The following SEPTIN9 variants were observed in gnomAD, a reference collection of about 807,000 sequenced individuals.
SEPTIN9 encodes septin 9, also known as septin-9.
Under a neutral mutation model 56.6 loss-of-function variants are expected in SEPTIN9, and 13 were observed. The observed-to-expected ratio is 0.23, with a 90% CI of 0.15 to 0.37. The LOEUF (loss-of-function observed/expected upper bound fraction) is 0.37, where lower values mean the gene tolerates loss of function less well. Ranked by LOEUF, SEPTIN9 falls within the 10% of genes least tolerant of loss-of-function variation. SEPTIN9 has a pLI of 1.00. For synonymous variants in SEPTIN9, 332 were observed against 334.1 expected, an observed-to-expected ratio of 0.99 and a Z score of 0.07; for missense variants, 650 against 823.1, an observed-to-expected ratio of 0.79 and a Z score of 2.57.
intron 2 of SEPTIN9, among the ~76,000 whole-genome samples, chr17:77,384,340 TG>T (rs11366286): frequency 0.016 from 2,382 of 152,246 alleles, 61 homozygotes; most frequent in African/African-American, 0.055. Context: ...CGGCGACTTC[TG>T]CATGTCCTTC....
chr17:77,481,866 T>G (rs984588274), intron 3 of SEPTIN9: 2 of 512,772 alleles, frequency 3.9e-6, no homozygotes, highest in Non-Finnish European at 7.0e-6. Flanking sequence ...TTGGCACAGC[T>G]CCTAGAAGAG....
Position 77,445,719 on chromosome 17 carries a change from T to C in SEPTIN9, c.722-36425T>C. On this transcript the variant is annotated intron_variant, in intron 3 of 11. Transcript: ENST00000427177. This position sits in a 1 kb window ranked among gnomAD's most constrained non-coding sequence, Gnocchi z 4.7. Reference sequence around the variant, plus strand: ...CTGAGTTGGAGGTGGGAGTCCCAACTGTCCCCTGTGGCTTCCAGAGTGGGA... The same window carrying C: ...CTGAGTTGGAGGTGGGAGTCCCAACCGTCCCCTGTGGCTTCCAGAGTGGGA... The C allele has an allele frequency of 3.2e-6, 1 of 315,424 alleles. No homozygotes were observed. The highest frequency in any genetic ancestry group is 2.7e-5 in the South Asian group (1 of 36,534). The allele number at this position is 315,424 out of a possible 1,614,324, so 19.5% of individuals were successfully genotyped here.
chr17:77,381,723 G>A (rs575323248), intron 2 of SEPTIN9, among the ~76,000 whole-genome samples: 26 of 152,332 alleles, frequency 1.7e-4, no homozygotes, highest in Non-Finnish European at 3.1e-4. Context: ...CAGACTGCAC[G>A]GTGAGAGGTG....
intron 3 of SEPTIN9, among the ~76,000 whole-genome samples, chr17:77,441,502 A>G (rs2037545830): frequency 6.6e-6 from 1 of 152,246 alleles, no homozygotes; most frequent in African/African-American, 2.4e-5. Flanking sequence ...ATCTTCCCCA[A>G]AACCCCATAA....
At chr17:77,349,851 T>C (rs71384169) in intron 2 of SEPTIN9, among the ~76,000 whole-genome samples, 12 of 152,362 alleles carry the variant, frequency 7.9e-5, no homozygotes, top group African/African-American at 2.6e-4. Flanking sequence ...GCCTTGATCT[T>C]CCAGACTTGC....
In SEPTIN9 at chr17:77,498,660, C is replaced by T. The variant is rs371665779; in HGVS notation, c.*2C>T. 580 of 1,602,182 alleles carry T rather than the reference C, an allele frequency of 3.6e-4. 6 individuals carry two copies. The highest frequency in any genetic ancestry group is 3.9e-4 in the Admixed American group (23 of 59,422). The stretch of plus-strand genomic sequence containing the variant: ...GAGCCAGAAGCCCCGGAGATGTAGA[C>T]GCCACCCTGCCCACCCCCGGGATCC... On this transcript the variant is annotated 3_prime_UTR_variant, in exon 12 of 12. Transcript: ENST00000427177.
At chr17:77,285,466 C>T (rs1334524643) in intron 1 of SEPTIN9, among the ~76,000 whole-genome samples, 5 of 152,268 alleles carry the variant, frequency 3.3e-5, no homozygotes, top group East Asian at 3.9e-4. Context: ...GGCACGATCT[C>T]GGTTCACTGC....
chr17:77,466,378 T>C (rs2038729664), intron 3 of SEPTIN9: 2 of 984,850 alleles, frequency 2.0e-6, no homozygotes, highest in Non-Finnish European at 2.4e-6. Context: ...ACCATATGAA[T>C]GTAGCTCCTT....
intron 3 of SEPTIN9, among the ~76,000 whole-genome samples, chr17:77,439,612 G>GTTTCACCAAAC (rs1214286260): frequency 2.0e-4 from 31 of 152,302 alleles, no homozygotes; most frequent in African/African-American, 7.2e-4. Flanking sequence ...GCTGAGTGGG[G>GTTTCACCAAAC]ATCAGGTGAG....
At chr17:77,283,921 G>A (rs1025406169) in intron 1 of SEPTIN9, among the ~76,000 whole-genome samples, 34 of 152,180 alleles carry the variant, frequency 2.2e-4, no homozygotes, top group Non-Finnish European at 7.3e-5. Context: ...GGATGAGGGC[G>A]AGACACCAGC....
chr17:77,310,493 C>T lies in SEPTIN9; in HGVS notation c.76+3296C>T, dbSNP rs2032447597. 6.6e-6 allele frequency among the ~76,000 whole-genome samples: 1 copy of T among 152,186 alleles called. No individual in the cohort carries two copies. Among genetic ancestry groups the T allele is most frequent in the Non-Finnish European group, 1.5e-5 (1 of 68,024 alleles). On this transcript the variant is annotated intron_variant, in intron 2 of 11. Coordinates refer to ENST00000427177, the MANE Select transcript of SEPTIN9 (RefSeq NM_001113491.2). The surrounding 1 kb of genome is among the most constrained non-coding windows in gnomAD (Gnocchi z 4.7). Reference sequence around the variant, plus strand: ...ATTTTGGCAGCTAGCGAGTGTTCCTCTGTGTGGGGAGGCAGAGTTTGCCCG... The same window carrying T: ...ATTTTGGCAGCTAGCGAGTGTTCCTTTGTGTGGGGAGGCAGAGTTTGCCCG...
At chr17:77,361,515 C>G (rs2034415733) in intron 2 of SEPTIN9, among the ~76,000 whole-genome samples, 2 of 151,694 alleles carry the variant, frequency 1.3e-5, no homozygotes, top group Non-Finnish European at 2.9e-5. Flanking sequence ...TGATGTGGCT[C>G]TATAGGAAGG....
rs141478489 is a variant in SEPTIN9, at chr17:77,421,293, G to A, written c.721+18590G>A. On this transcript the variant is annotated intron_variant, in intron 3 of 11. Coordinates refer to ENST00000427177, the MANE Select transcript of SEPTIN9 (RefSeq NM_001113491.2). This position sits in a 1 kb window ranked among gnomAD's most constrained non-coding sequence, Gnocchi z 4.6. ...TGGATTTTGAAATAAGACACCGCCC[G>A]TCTGTGGGGTGAGCAGGAACAGATT... Among the ~76,000 whole-genome samples the A allele has an allele frequency of 2.6e-5, 4 of 152,278 alleles. No homozygotes were observed. Among genetic ancestry groups the A allele is most frequent in the South Asian group, 2.1e-4 (1 of 4,828 alleles).
intron 3 of SEPTIN9, among the ~76,000 whole-genome samples, chr17:77,415,475 C>T (rs933595015): frequency 3.9e-5 from 6 of 151,928 alleles, no homozygotes; most frequent in Non-Finnish European, 2.9e-5. Context: ...GGTGTGGTGG[C>T]GTGTACCTGT....
In SEPTIN9 at chr17:77,451,637, C is replaced by A; in HGVS notation, c.722-30507C>A. On this transcript the variant is annotated intron_variant, in intron 3 of 11. Transcript: ENST00000427177. This position sits in a 1 kb window ranked among gnomAD's most constrained non-coding sequence, Gnocchi z 4.2. ...ATGGCCATGGTGGCGGTGCCGGGAG[C>A]CACGCTGTCCCTGGGCCCCGGCCCG... The A allele has an allele frequency of 1.2e-6, 1 of 836,480 alleles. No individual in the cohort carries two copies. Among genetic ancestry groups the A allele is most frequent in the Non-Finnish European group, 1.4e-6 (1 of 693,720 alleles). The allele number at this position is 836,480 out of a possible 1,614,324, so 51.8% of individuals were successfully genotyped here. A position where few individuals can be genotyped will look rare whatever the true frequency, so the allele number is the denominator to read the frequency against.
At chr17:77,328,553 A>T (rs1290650015) in intron 2 of SEPTIN9, among the ~76,000 whole-genome samples, 1 of 152,016 alleles carries the variant, frequency 6.6e-6, no homozygotes, top group Non-Finnish European at 1.5e-5. Flanking sequence ...TTTAGTAGAG[A>T]TGGGGTTTCA....
rs1286876716 is a variant in SEPTIN9, at chr17:77,329,535, G to A, written c.76+22338G>A. On this transcript the variant is annotated intron_variant, in intron 2 of 11. Coordinates refer to ENST00000427177, the MANE Select transcript of SEPTIN9 (RefSeq NM_001113491.2). The surrounding 1 kb of genome is among the most constrained non-coding windows in gnomAD (Gnocchi z 4.3). ...TGGATCCTGGGAAGGTTGGGTACCTGGCAGCCTCAAGGCAGGAGCTGGGGT... is the reference window on the plus strand; with the variant it reads ...TGGATCCTGGGAAGGTTGGGTACCTAGCAGCCTCAAGGCAGGAGCTGGGGT... Among the ~76,000 whole-genome samples, 2 of 152,142 alleles carry A rather than the reference G, an allele frequency of 1.3e-5. No individual in the cohort carries two copies. The highest frequency in any genetic ancestry group is 2.9e-5 in the Non-Finnish European group (2 of 68,008).
rs2033204482 is a variant in SEPTIN9, at chr17:77,327,900, T to G, written c.76+20703T>G. Among the ~76,000 whole-genome samples the G allele has an allele frequency of 6.6e-6, 1 of 152,186 alleles. No homozygotes were observed. The highest frequency in any genetic ancestry group is 1.5e-5 in the Non-Finnish European group (1 of 68,020). On this transcript the variant is annotated intron_variant, in intron 2 of 11. Transcript: ENST00000427177. This position sits in a 1 kb window ranked among gnomAD's most constrained non-coding sequence, Gnocchi z 5.0. The stretch of plus-strand genomic sequence containing the variant: ...ACGGGTGTGATGGGGCTGCGGGGTT[T>G]CAGGTGGCAGGAGGCGTCCCCGTGC...
At chr17:77,316,780 C>CA (rs2032727857) in intron 2 of SEPTIN9, among the ~76,000 whole-genome samples, 1 of 151,582 alleles carries the variant, frequency 6.6e-6, no homozygotes, top group Non-Finnish European at 1.5e-5. Flanking sequence ...AATTATAGCT[C>CA]ACAGCAGCCT....
Sources: gnomAD v4.1 joint callset for allele counts (sites outside exome capture counted in the v4.1 genomes callset) on GRCh38, gnomAD v4.1.1 for gene constraint, Gnocchi (gnomAD v3.1) non-coding constraint, MANE v1.5 for transcripts, NCBI Gene and HGNC (gene_info 2026-07-23, HGNC 2026-07-21) for gene names.